Variants in SMURF1 observed in about 807,000 individuals in gnomAD.
SMURF1 encodes the protein SMAD specific E3 ubiquitin protein ligase 1.
SMURF1 carries 44 observed loss-of-function variants against 98.0 expected under a neutral mutation model. That is an observed-to-expected ratio of 0.45 (90% confidence interval 0.35 to 0.58). The LOEUF (loss-of-function observed/expected upper bound fraction) is 0.58, where lower values mean the gene tolerates loss of function less well. Among genes scored for constraint, SMURF1 ranks in the 20% least tolerant of loss-of-function variants. SMURF1 has a pLI of 0.00. For missense variants in SMURF1, 687 were observed against 938.4 expected, an observed-to-expected ratio of 0.73 and a Z score of 3.50; for synonymous variants, 396 against 374.9, an observed-to-expected ratio of 1.06 and a Z score of -0.65.
chr7:99,081,798 G>A (rs987914804), intron 1 of SMURF1, among the ~76,000 whole-genome samples: 5 of 152,022 alleles, frequency 3.3e-5, no homozygotes, highest in East Asian at 1.9e-4. Flanking sequence ...GATTACAGGC[G>A]CCTGCCACCA....
At chr7:99,120,951 T>A in intron 1 of SMURF1, among the ~76,000 whole-genome samples, 1 of 151,760 alleles carries the variant, frequency 6.6e-6, no homozygotes. Flanking sequence ...ATACAAAAAC[T>A]TTTAGGGAAA....
At chr7:99,119,518 T>G (rs552385403) in intron 1 of SMURF1, among the ~76,000 whole-genome samples, 1 of 152,180 alleles carries the variant, frequency 6.6e-6, no homozygotes, top group Admixed American at 6.5e-5. Flanking sequence ...GTGACAGATA[T>G]TGGAGTAATT....
intron 10 of SMURF1, among the ~76,000 whole-genome samples, chr7:99,046,496 A>G (rs567644469): frequency 6.1e-4 from 93 of 152,106 alleles, no homozygotes; most frequent in Non-Finnish European, 1.2e-3. Context: ...GGGAGGCCAA[A>G]GTGAGCGGAT....
chr7:99,123,667 T>A (rs1007892968), intron 1 of SMURF1, among the ~76,000 whole-genome samples: 1 of 152,102 alleles, frequency 6.6e-6, no homozygotes, highest in African/African-American at 2.4e-5. Flanking sequence ...TCACTTCCCC[T>A]CCATGCCACA....
At chr7:99,088,130 C>A (rs1177039807) in intron 1 of SMURF1, among the ~76,000 whole-genome samples, 4 of 151,634 alleles carry the variant, frequency 2.6e-5, no homozygotes, top group Non-Finnish European at 4.4e-5. Context: ...TGGTGGCAGG[C>A]GCCTGTAATC....
At chr7:99,042,050 T>C (rs1028230281) in intron 12 of SMURF1, 68 bp downstream of exon 12, 12 of 1,259,808 alleles carry the variant, frequency 9.5e-6, no homozygotes, top group African/African-American at 1.5e-5. Context: ...GGACTGAGAA[T>C]GAAACTGAAA....
intron 1 of SMURF1, among the ~76,000 whole-genome samples, chr7:99,089,104 T>C (rs574146069): frequency 1.3e-5 from 2 of 151,390 alleles, no homozygotes; most frequent in African/African-American, 4.9e-5. Context: ...CTCAGGAGGC[T>C]GAGGCAGGAG....
In SMURF1 at chr7:99,030,665, A is replaced by G; in HGVS notation, c.2115T>C (p.Ile705=). 1 of 1,614,076 alleles carries G rather than the reference A, an allele frequency of 6.2e-7. No individual in the cohort carries two copies. Among genetic ancestry groups the G allele is most frequent in the South Asian group, 1.1e-5 (1 of 91,082 alleles). Residue 705 remains isoleucine (I), a synonymous_variant, in exon 18 of 18, where the codon ATT becomes ATC. Transcript: ENST00000361368. The stretch of plus-strand genomic sequence containing the variant: ...GCTTCTCATAGGACTCATATGGTGG[A>G]ATGTCGATCCGGTTAAAGCTGAAAA... ...KAHTCFNRID[I]PPYESYEKLY...
At chr7:99,067,270 AC>A (rs758620470) in intron 1 of SMURF1, among the ~76,000 whole-genome samples, 9 of 152,046 alleles carry the variant, frequency 5.9e-5, no homozygotes, top group Non-Finnish European at 1.0e-4. Flanking sequence ...TGCTGGGATT[AC>A]AGGTGTGAGC....
chr7:99,104,728 A>G (rs190503916), intron 1 of SMURF1, among the ~76,000 whole-genome samples: 1 of 152,332 alleles, frequency 6.6e-6, no homozygotes, highest in African/African-American at 2.4e-5. Flanking sequence ...CTAGGCATTT[A>G]AACTGCTTCC....
chr7:99,056,187 A>G (rs994059190), intron 5 of SMURF1, among the ~76,000 whole-genome samples: 2 of 152,208 alleles, frequency 1.3e-5, no homozygotes, highest in African/African-American at 2.4e-5. Flanking sequence ...TTCAGGGTGT[A>G]TGTCTGCACT....
chr7:99,096,645 T>C (rs1200192944), intron 1 of SMURF1, among the ~76,000 whole-genome samples: 3 of 152,044 alleles, frequency 2.0e-5, no homozygotes, highest in Non-Finnish European at 2.9e-5. Context: ...TACCTAACAA[T>C]AGAGCATCAA....
At chr7:99,130,190 C>A (rs1221381105) in intron 1 of SMURF1, among the ~76,000 whole-genome samples, 1 of 152,192 alleles carries the variant, frequency 6.6e-6, no homozygotes, top group African/African-American at 2.4e-5. Flanking sequence ...TAGTGGCTCA[C>A]ACCTGTAATC....
Position 99,040,413 on chromosome 7 carries a change from C to T in SMURF1, c.1515G>A (p.Val505=). 6.3e-7 allele frequency: 1 copy of T among 1,578,034 alleles called. No individual in the cohort carries two copies. Among genetic ancestry groups the T allele is most frequent in the Non-Finnish European group, 8.6e-7 (1 of 1,163,130 alleles). The stretch of plus-strand genomic sequence containing the variant: ...CCAAGCTCTTATGCAGCTCTGGGTC[C>T]ACAGATTCCAGATCTGAGAGCTGGA... The part of the protein sequence containing the change: ...KPIQLSDLES[V]DPELHKSLVW... The change falls in exon 13 of 18, where the codon GTG becomes GTA. Residue 505 remains valine (V), a synonymous_variant. Transcript: ENST00000361368.
rs1038849554 is a variant in SMURF1 at position 99,045,791 on chromosome 7, C to T, written c.1163G>A (p.Arg388His). 4 of 1,612,946 alleles carry T rather than the reference C, an allele frequency of 2.5e-6. No homozygotes were observed. Among genetic ancestry groups the T allele is most frequent in the East Asian group, 2.2e-5 (1 of 44,886 alleles). Residue 388 changes from arginine (R) to histidine (H), a missense_variant, in exon 11 of 18, where the codon CGC becomes CAC. By Grantham distance (29) the Arg-to-His change is conservative. This residue lies in a region of SMURF1 where 415 missense variants were observed against 508.4 expected (regional missense o/e 0.82). Transcript: ENST00000361368. ...SREEIFEESY[R>H]QIMKMRPKDL... ...TTTCGGTCGCATCTTCATTATCTGGCGGTAAGACTCCTGAAGAGCAACATC... is the reference window on the plus strand; with the variant it reads ...TTTCGGTCGCATCTTCATTATCTGGTGGTAAGACTCCTGAAGAGCAACATC...
Position 99,037,094 on chromosome 7 carries a change from CAGCAGATGTTG to C in SMURF1, c.1771_1781del (p.Gln591GlufsTer4), listed in dbSNP as rs1307153853. On this transcript the variant is annotated frameshift_variant, in exon 15 of 18. Coordinates refer to ENST00000361368, the MANE Select transcript of SMURF1 (RefSeq NM_181349.3). LOFTEE classifies it high-confidence loss of function. ...CCAGTTCCTTCTGGTCAAAAGGCTT[CAGCAGATGTTG>C]AGGGATGAGCTCATTGAACCCCTTC... is the stretch of plus-strand genomic sequence containing the variant. 6.2e-7 allele frequency: 1 copy of C among 1,613,962 alleles called. No individual in the cohort carries two copies. The highest frequency in any genetic ancestry group is 8.5e-7 in the Non-Finnish European group (1 of 1,180,036).
intron 1 of SMURF1, among the ~76,000 whole-genome samples, chr7:99,131,024 C>T (rs1797861082): frequency 1.3e-5 from 2 of 152,144 alleles, no homozygotes; most frequent in Non-Finnish European, 2.9e-5. Context: ...AAGCTGCAAG[C>T]AAACAGCCAT....
chr7:99,103,884 G>A (rs892446937), intron 1 of SMURF1, among the ~76,000 whole-genome samples: 5 of 151,322 alleles, frequency 3.3e-5, no homozygotes, highest in Admixed American at 6.6e-5. Flanking sequence ...GATATCTCCG[G>A]GCCACAACTT....
chr7:99,118,749 G>A (rs536110015), intron 1 of SMURF1, among the ~76,000 whole-genome samples: 1 of 152,254 alleles, frequency 6.6e-6, no homozygotes, highest in South Asian at 2.1e-4. Context: ...TGTACTAAGA[G>A]CCACTTAATT....
Sources: gnomAD v4.1 joint callset for allele counts (sites outside exome capture counted in the v4.1 genomes callset) on GRCh38, gnomAD v4.1.1 for gene constraint, gnomAD v4.1.1 regional missense constraint, MANE v1.5 for transcripts, NCBI Gene and HGNC (gene_info 2026-07-23, HGNC 2026-07-21) for gene names.